PHGDH: variants seen among roughly 807,000 people sequenced by gnomAD.
PHGDH encodes the protein D-3-phosphoglycerate dehydrogenase.
PHGDH carries 50 observed loss-of-function variants against 52.6 expected under a neutral mutation model. That is an observed-to-expected ratio of 0.95 (90% CI 0.76 to 1.20). The LOEUF is 1.20. Ranked by LOEUF, PHGDH falls within the 50% of genes most tolerant of loss-of-function variation. The pLI is 0.00. For missense variants in PHGDH, 630 were observed against 684.6 expected (o/e 0.92, Z 0.89); for synonymous variants, 271 against 280.5 (o/e 0.97, Z 0.34).
intron 5 of PHGDH, among the ~76,000 whole-genome samples, chr1:119,733,121 G>A (rs587686273): frequency 1.3e-5 from 2 of 152,236 alleles, no homozygotes; most frequent in Non-Finnish European, 2.9e-5. Flanking sequence ...GACCACCAGC[G>A]TTCTGAGCTG....
At chr1:119,721,914 G>T (rs1158521047) in intron 2 of PHGDH, among the ~76,000 whole-genome samples, 2 of 152,208 alleles carry the variant, frequency 1.3e-5, no homozygotes, top group African/African-American at 4.8e-5. Context: ...AAACACAGGG[G>T]CAGAGGTCAT....
At chr1:119,740,233 T>G in intron 8 of PHGDH, 153 bp from the exon 9 acceptor site, 2 of 694,386 alleles carry the variant, frequency 2.9e-6, no homozygotes, top group Non-Finnish European at 5.2e-6. Flanking sequence ...GTCCTGTTGT[T>G]AGTGGCTGAT....
chr1:119,731,794 C>G (rs1459582628), intron 5 of PHGDH, among the ~76,000 whole-genome samples: 1 of 152,222 alleles, frequency 6.6e-6, no homozygotes, highest in Admixed American at 6.5e-5. Context: ...TTTAGGTAAA[C>G]AGTCCCTGTG....
At position 119,734,670 on chromosome 1, in the gene PHGDH, T is replaced by C. The variant is rs1651852899; in HGVS notation, c.547T>C (p.Ser183Pro). The C allele has an allele frequency of 2.5e-6, 4 of 1,614,124 alleles. No homozygotes were observed. Among genetic ancestry groups the C allele is most frequent in the Non-Finnish European group, 3.4e-6 (4 of 1,179,944 alleles). Residue 183 changes from serine to proline, a missense_variant, in exon 6 of 12, where the codon TCG becomes CCG. Transcript: ENST00000641023. Reference sequence around the variant, plus strand: ...TGACCCCATCATTTCCCCAGAGGTCTCGGCCTCCTTTGGTGTTCAGCAGCT... The same window carrying C: ...TGACCCCATCATTTCCCCAGAGGTCCCGGCCTCCTTTGGTGTTCAGCAGCT... ...GYDPIISPEV[S>P]ASFGVQQLPL...
chr1:119,741,365 G>A (rs2101219383), intron 9 of PHGDH, among the ~76,000 whole-genome samples: 1 of 152,308 alleles, frequency 6.6e-6, no homozygotes, highest in East Asian at 1.9e-4. Context: ...GGCAGCAGTT[G>A]CTTCGGTTAC....
At chr1:119,735,026 G>T in intron 6 of PHGDH, 1 of 621,748 alleles carries the variant, frequency 1.6e-6, no homozygotes, top group Non-Finnish European at 2.8e-6. Flanking sequence ...AGCCCCTGCA[G>T]GGCTTTCTGA....
intron 7 of PHGDH, among the ~76,000 whole-genome samples, chr1:119,736,043 T>TC (rs1651921208): frequency 6.6e-6 from 1 of 152,142 alleles, no homozygotes; most frequent in African/African-American, 2.4e-5. Flanking sequence ...AAAGATCCTG[T>TC]CCCCAACATT....
At chr1:119,738,053 C>T (rs1652022465) in intron 8 of PHGDH, among the ~76,000 whole-genome samples, 1 of 150,080 alleles carries the variant, frequency 6.7e-6, no homozygotes, top group Non-Finnish European at 1.5e-5. Flanking sequence ...TATTAAGGTT[C>T]AGTTCCATGG....
intron 7 of PHGDH, 42 bp from the exon 8 acceptor site, chr1:119,737,072 C>T (rs1200397441): frequency 6.2e-7 from 1 of 1,610,386 alleles, no homozygotes; most frequent in African/African-American, 1.3e-5. Flanking sequence ...AGGGTGTGGC[C>T]AGTCCATGGC....
intron 5 of PHGDH, 57 bp downstream of exon 5, chr1:119,727,159 G>C: frequency 9.3e-7 from 1 of 1,069,928 alleles, no homozygotes; most frequent in South Asian, 1.3e-5. Context: ...TTTGGGAAAG[G>C]CAGCATGTCT....
chr1:119,737,063 G>T, intron 7 of PHGDH, 51 bp from the exon 8 acceptor site: 2 of 1,598,714 alleles, frequency 1.3e-6, no homozygotes, highest in South Asian at 1.1e-5. Context: ...TGGCCCAAGA[G>T]GGTGTGGCCA....
intron 10 of PHGDH, chr1:119,742,495 A>G (rs1571020180): frequency 1.9e-6 from 1 of 526,906 alleles, no homozygotes; most frequent in East Asian, 3.4e-5. Flanking sequence ...TCAGAGCAGG[A>G]GGGGCCAGAG....
intron 5 of PHGDH, among the ~76,000 whole-genome samples, chr1:119,730,341 C>G (rs910197989): frequency 3.3e-5 from 5 of 152,096 alleles, no homozygotes; most frequent in African/African-American, 1.2e-4. Flanking sequence ...GATACCCGGA[C>G]TATTTAAAGT....
intron 3 of PHGDH, among the ~76,000 whole-genome samples, chr1:119,725,484 C>T (rs1202755379): frequency 6.6e-6 from 1 of 152,178 alleles, no homozygotes; most frequent in Non-Finnish European, 1.5e-5. Flanking sequence ...TGAACAGTTC[C>T]TCAAGGCAAG....
chr1:119,726,537 G>A, intron 3 of PHGDH: 1 of 476,272 alleles, frequency 2.1e-6, no homozygotes, highest in Non-Finnish European at 3.9e-6. Context: ...TACAGACCCT[G>A]GAGGATTGGC....
Position 119,711,937 on chromosome 1 carries a change from G to GT in PHGDH, c.-84dup. ...AGCGGGAGCTGGAGAATACTGCCCA[G>GT]TTACTCTAGCGCGCCAGGCCGAACC... On this transcript the variant is annotated 5_prime_UTR_variant, in exon 1 of 12. Transcript: ENST00000641023. 7.1e-7 allele frequency: 1 copy of GT among 1,403,264 alleles called. No homozygotes were observed. Among genetic ancestry groups the GT allele is most frequent in the South Asian group, 1.2e-5 (1 of 86,352 alleles). 86.9% of individuals were successfully genotyped at this position (1,403,264 alleles called of 1,614,324 possible).
At chr1:119,733,912 G>A (rs1419222139) in intron 5 of PHGDH, among the ~76,000 whole-genome samples, 2 of 152,112 alleles carry the variant, frequency 1.3e-5, no homozygotes, top group Non-Finnish European at 2.9e-5. Context: ...GCAATCATCT[G>A]CCCAGCTCCT....
At position 119,743,974 on chromosome 1, in the gene PHGDH, C is replaced by A. The variant is rs1169502890; in HGVS notation, c.1536C>A (p.Ser512=). ...AGACCTGGCACGTCATGGGCATCTC[C>A]TCCTTGCTGCCCAGCCTGGAAGCGT... ...DGETWHVMGI[S]SLLPSLEAWK... The change falls in exon 12 of 12, where the codon TCC becomes TCA. Residue 512 remains serine, a synonymous_variant. Transcript: ENST00000641023. The A allele has an allele frequency of 1.2e-6, 2 of 1,613,850 alleles. No individual in the cohort carries two copies. Among genetic ancestry groups the A allele is most frequent in the Non-Finnish European group, 8.5e-7 (1 of 1,179,706 alleles).
intron 8 of PHGDH, among the ~76,000 whole-genome samples, chr1:119,738,867 G>A (rs187481474): frequency 3.3e-4 from 51 of 152,262 alleles, no homozygotes; most frequent in Admixed American, 1.5e-3. Flanking sequence ...ATCTGCTGCA[G>A]GACACAGAGT....
Sources: gnomAD v4.1 joint callset for allele counts (sites outside exome capture counted in the v4.1 genomes callset) on GRCh38, gnomAD v4.1.1 for gene constraint, MANE v1.5 for transcripts, NCBI Gene and HGNC (gene_info 2026-07-23, HGNC 2026-07-21) for gene names.